CMYA5: variants seen among roughly 807,000 people sequenced by gnomAD.
The protein encoded by CMYA5 is cardiomyopathy associated 5.
Under a neutral mutation model 318.9 loss-of-function variants are expected in CMYA5, and 246 were observed. The observed-to-expected ratio is 0.77, with a 90% CI of 0.70 to 0.86. CMYA5 has a LOEUF of 0.86. Ranked by LOEUF, CMYA5 falls within the 40% of genes least tolerant of loss-of-function variation. The probability of loss-of-function intolerance (pLI) is 0.00; values close to 1 mark genes in which losing one functional copy is unlikely to be tolerated. For synonymous variants in CMYA5, 1,641 were observed against 1,729.5 expected (o/e 0.95, Z 1.27); for missense variants, 4,589 against 4,678.2 (o/e 0.98, Z 0.56).
intron 5 of CMYA5, among the ~76,000 whole-genome samples, chr5:79,748,256 C>T (rs1049009693): frequency 2.0e-5 from 3 of 152,098 alleles, no homozygotes; most frequent in Non-Finnish European, 2.9e-5. Flanking sequence ...TAATGCACAG[C>T]CAGGGTTGAA....
At chr5:79,742,138 T>G (rs2151089615) in intron 2 of CMYA5, among the ~76,000 whole-genome samples, 1 of 146,810 alleles carries the variant, frequency 6.8e-6, no homozygotes, top group East Asian at 2.1e-4. Flanking sequence ...CCTCCTCCCC[T>G]TCTTCCTCCC....
At chr5:79,764,322 G>A (rs1253965582) in intron 9 of CMYA5, among the ~76,000 whole-genome samples, 1 of 152,146 alleles carries the variant, frequency 6.6e-6, no homozygotes, top group African/African-American at 2.4e-5. Context: ...CCCTGCAAAG[G>A]ACATGAACTC....
At chr5:79,704,204 G>GA (rs367695716) in intron 1 of CMYA5, among the ~76,000 whole-genome samples, 4,234 of 139,632 alleles carry the variant, frequency 0.03, 182 homozygotes, top group African/African-American at 0.098. Context: ...TGGTGTCCAG[G>GA]AAAAAAAAAA....
chr5:79,787,337 T>C (rs1438774085), intron 9 of CMYA5, among the ~76,000 whole-genome samples: 2 of 152,216 alleles, frequency 1.3e-5, no homozygotes, highest in East Asian at 3.8e-4. Flanking sequence ...CAGTTCAGGC[T>C]GACTATGCTT....
chr5:79,749,927 C>T (rs1480853725), intron 5 of CMYA5, among the ~76,000 whole-genome samples: 2 of 152,116 alleles, frequency 1.3e-5, no homozygotes, highest in South Asian at 2.1e-4. Context: ...AACTGTGTCA[C>T]GCTAATCATC....
rs369059634 is a variant in CMYA5 at position 79,729,785 on chromosome 5, C to T, written c.1020C>T (p.His340=). The stretch of plus-strand genomic sequence containing the variant: ...TAAATGCCACATCTGCATTGGAGCA[C>T]ACAGTTCCCTCTTATTCAAGTAGTG... The part of the protein sequence containing the change: ...SPLNATSALE[H]TVPSYSSSGR... The change falls in exon 2 of 13, where the codon CAC becomes CAT. Residue 340 remains histidine, a synonymous_variant. Coordinates refer to ENST00000446378, the MANE Select transcript of CMYA5 (RefSeq NM_153610.5). The T allele has an allele frequency of 9.9e-6, 16 of 1,613,774 alleles. No homozygotes were observed. The highest frequency in any genetic ancestry group is 1.2e-5 in the Non-Finnish European group (14 of 1,179,856).
intron 1 of CMYA5, among the ~76,000 whole-genome samples, chr5:79,727,762 A>G (rs948650730): frequency 6.6e-6 from 1 of 152,196 alleles, no homozygotes; most frequent in Admixed American, 6.5e-5. Flanking sequence ...AGTACAAGTG[A>G]GGAAGAGGTA....
intron 9 of CMYA5, among the ~76,000 whole-genome samples, chr5:79,773,652 A>G (rs1398846432): frequency 6.6e-6 from 1 of 152,180 alleles, no homozygotes; most frequent in Non-Finnish European, 1.5e-5. Flanking sequence ...TGAACGGGGA[A>G]CTTATCTGTG....
chr5:79,726,927 T>C (rs1462346971), intron 1 of CMYA5, among the ~76,000 whole-genome samples: 3 of 146,160 alleles, frequency 2.1e-5, no homozygotes, highest in Non-Finnish European at 4.5e-5. Context: ...TTTTTTTTTT[T>C]TTTTTGAGAC....
At position 79,763,219 on chromosome 5, in the gene CMYA5, C is replaced by T; in HGVS notation, c.11555+10C>T. 1 of 1,588,820 alleles carries T rather than the reference C, an allele frequency of 6.3e-7. No individual in the cohort carries two copies. The highest frequency in any genetic ancestry group is 8.6e-7 in the Non-Finnish European group (1 of 1,169,538). On this transcript the variant is annotated intron_variant, in intron 9 of 12. Transcript: ENST00000446378. The stretch of plus-strand genomic sequence containing the variant: ...AGGGAGAGGGCCTCAGGTGAGGGGC[C>T]CTCTCCATGGGAGAGACTGCCCAGA...
chr5:79,788,994 T>C lies in CMYA5; in HGVS notation c.11579T>C (p.Leu3860Pro). The C allele has an allele frequency of 6.2e-7, 1 of 1,613,862 alleles. No homozygotes were observed. The highest frequency in any genetic ancestry group is 8.5e-7 in the Non-Finnish European group (1 of 1,179,796). ...GLRSFSGIKG[L>P]QLKVNLQPND... ...AGATCTTTCTCTGGAATCAAAGGAC[T>C]CCAGCTGAAAGTTAACCTCCAACCC... The change falls in exon 10 of 13, where the codon CTC (leucine) becomes CCC (proline). Residue 3860 changes from leucine to proline, a missense_variant. This residue lies in a region of CMYA5 where 2,431 missense variants were observed against 2,495.1 expected (regional missense o/e 0.97). Transcript: ENST00000446378.
intron 5 of CMYA5, among the ~76,000 whole-genome samples, chr5:79,749,278 G>T (rs7709188): frequency 7.2e-5 from 11 of 151,990 alleles, no homozygotes; most frequent in Admixed American, 2.6e-4. Context: ...TAAAGAAACC[G>T]CTGTCAAACG....
At chr5:79,699,074 C>T (rs530547318) in intron 1 of CMYA5, among the ~76,000 whole-genome samples, 3 of 152,236 alleles carry the variant, frequency 2.0e-5, no homozygotes, top group Admixed American at 2.0e-4. Flanking sequence ...AGGAGAATCG[C>T]TTGAACCCAG....
In CMYA5 at chr5:79,735,909, G is replaced by A. The variant is rs59506448; in HGVS notation, c.7144G>A (p.Asp2382Asn). The change falls in exon 2 of 13, where the codon GAT (aspartate) becomes AAT (asparagine). Residue 2382 changes from aspartate (D) to asparagine (N), a missense_variant. Physicochemically the swap from Asp to Asn is conservative, Grantham distance 23 (BLOSUM62 1). Transcript: ENST00000446378. ...ATCACTCCTTTCATTTGATGTAGTA[G>A]ATAAGGTGCCACAACAGCCAAAATC... is the stretch of plus-strand genomic sequence containing the variant. ...QKSLLSFDVV[D>N]KVPQQPKSAS... is the part of the protein sequence containing the mutation. The A allele has an allele frequency of 6.2e-7, 1 of 1,603,628 alleles. No individual in the cohort carries two copies. The highest frequency in any genetic ancestry group is 8.5e-7 in the Non-Finnish European group (1 of 1,177,142).
intron 1 of CMYA5, among the ~76,000 whole-genome samples, chr5:79,694,425 G>A (rs900580255): frequency 1.8e-4 from 27 of 152,336 alleles, no homozygotes; most frequent in African/African-American, 6.0e-4. Flanking sequence ...CTGTAGACCA[G>A]TGAAAGCCAA....
intron 9 of CMYA5, among the ~76,000 whole-genome samples, chr5:79,772,377 A>G (rs762555510): frequency 5.9e-5 from 9 of 152,200 alleles, no homozygotes; most frequent in Non-Finnish European, 7.3e-5. Flanking sequence ...AGCCCTGTTG[A>G]TAGTTTAATG....
At position 79,799,867 on chromosome 5, in the gene CMYA5, A is replaced by ACC; in HGVS notation, c.*251_*252insCC. 4 of 266,456 alleles carry ACC rather than the reference A, an allele frequency of 1.5e-5. No homozygotes were observed. The highest frequency in any genetic ancestry group is 7.9e-5 in the South Asian group (1 of 12,676). The allele number at this position is 266,456 out of a possible 1,614,324, so 16.5% of individuals were successfully genotyped here. On this transcript the variant is annotated 3_prime_UTR_variant, in exon 13 of 13. Coordinates refer to ENST00000446378, the MANE Select transcript of CMYA5 (RefSeq NM_153610.5). ...TTATATAAGTTTGAGTTCTTTCCTA[A>ACC]ATTAAAAGATCTACACTTGAGTTGG...
intron 1 of CMYA5, among the ~76,000 whole-genome samples, chr5:79,714,237 G>T (rs1827469139): frequency 1.3e-5 from 2 of 151,838 alleles, no homozygotes; most frequent in Admixed American, 6.6e-5. Context: ...TACCTGAATT[G>T]CTTCTAACCA....
At chr5:79,787,131 C>A (rs929448941) in intron 9 of CMYA5, among the ~76,000 whole-genome samples, 1 of 152,172 alleles carries the variant, frequency 6.6e-6, no homozygotes, top group Non-Finnish European at 1.5e-5. Context: ...TGTTTAACAA[C>A]TGTGTTGTTA....
Sources: allele counts gnomAD v4.1 joint callset (sites outside exome capture counted in the v4.1 genomes callset), GRCh38; gene constraint gnomAD v4.1.1; regional missense constraint gnomAD v4.1.1; transcripts MANE v1.5; gene names NCBI Gene and HGNC (gene_info 2026-07-23, HGNC 2026-07-21).